Variants in ZPBP observed in about 807,000 individuals in gnomAD.
The protein encoded by ZPBP is zona pellucida-binding protein 1.
ZPBP carries 26 observed loss-of-function variants against 44.8 expected under a neutral mutation model. That is an observed-to-expected ratio of 0.58 (90% CI 0.43 to 0.81). The LOEUF (loss-of-function observed/expected upper bound fraction) is 0.81, where lower values mean the gene tolerates loss of function less well. Among genes scored for constraint, ZPBP ranks in the 30% least tolerant of loss-of-function variants. The pLI is 0.00. For synonymous variants in ZPBP, 174 were observed against 153.2 expected (o/e 1.14, Z -1.00); for missense variants, 409 against 434.0 (o/e 0.94, Z 0.51).
At chr7:49,999,599 G>A (rs1798005777) in intron 6 of ZPBP, among the ~76,000 whole-genome samples, 1 of 152,170 alleles carries the variant, frequency 6.6e-6, no homozygotes, top group South Asian at 2.1e-4. Flanking sequence ...ACCAAAAGAT[G>A]ATGGTCTAAG....
intron 7 of ZPBP, among the ~76,000 whole-genome samples, chr7:49,955,836 A>G (rs1453543402): frequency 1.3e-5 from 2 of 152,200 alleles, no homozygotes; most frequent in Admixed American, 1.3e-4. Flanking sequence ...GGAAAATAAG[A>G]GAACACTATG....
At chr7:49,914,017 T>C (rs1793594972) in intron 1 of ZPBP, 1 of 152,228 alleles carries the variant, frequency 6.6e-6, no homozygotes. Flanking sequence ...CTAATTGTTC[T>C]CAGGTGTAAT....
intron 2 of ZPBP, among the ~76,000 whole-genome samples, chr7:49,878,098 C>G (rs1279143752): frequency 6.6e-6 from 1 of 152,074 alleles, no homozygotes; most frequent in East Asian, 1.9e-4. Flanking sequence ...AGTCTGTCCC[C>G]TTGACGTAAA....
At position 49,993,288 on chromosome 7, in the gene ZPBP, G is replaced by A. The variant is rs113997434; in HGVS notation, c.784-9769C>T. Among the ~76,000 whole-genome samples, 484 of 151,994 alleles carry A rather than the reference G, an allele frequency of 3.2e-3. 6 individuals are homozygous for A. Among genetic ancestry groups the A allele is most frequent in the African/African-American group, 0.011 (451 of 41,464 alleles). ...TGTAAATAATAAAGAAACTACCAAG[G>A]TAGAGCTATGAAAAGGAATCATTTT... On this transcript the variant is annotated intron_variant, in intron 6 of 7. Coordinates refer to ENST00000046087, the MANE Select transcript of ZPBP (RefSeq NM_007009.3).
chr7:50,036,356 T>C (rs1177468952), intron 4 of ZPBP, among the ~76,000 whole-genome samples: 1 of 152,158 alleles, frequency 6.6e-6, no homozygotes, highest in Non-Finnish European at 1.5e-5. Context: ...TTCATCATAT[T>C]GGCCAGGCTG....
chr7:49,943,818 T>C, intron 7 of ZPBP: 1 of 239,760 alleles, frequency 4.2e-6, no homozygotes, highest in South Asian at 5.4e-5. Flanking sequence ...GAGCTCATCC[T>C]ATATTCCTTT....
intron 4 of ZPBP, among the ~76,000 whole-genome samples, chr7:50,049,718 T>C (rs1421666645): frequency 1.3e-5 from 2 of 152,002 alleles, no homozygotes; most frequent in Non-Finnish European, 2.9e-5. Context: ...ATATACTCAA[T>C]GGTGAAAGAC....
chr7:50,057,278 T>G (rs1321501359), intron 4 of ZPBP, among the ~76,000 whole-genome samples: 1 of 151,362 alleles, frequency 6.6e-6, no homozygotes, highest in Admixed American at 6.6e-5. Context: ...ACTTGGGGGA[T>G]ATGCCTGCAG....
At chr7:50,075,272 A>G (rs1778994498) in intron 3 of ZPBP, among the ~76,000 whole-genome samples, 2 of 151,966 alleles carry the variant, frequency 1.3e-5, no homozygotes, top group South Asian at 4.1e-4. Context: ...CAGCAAAATC[A>G]GTACTAAGAG....
intron 2 of ZPBP, among the ~76,000 whole-genome samples, chr7:50,084,399 C>A (rs1022031): frequency 6.6e-6 from 1 of 150,538 alleles, no homozygotes; most frequent in Non-Finnish European, 1.5e-5. Context: ...ACCAAAAAAA[C>A]AGAATAAACT....
intron 4 of ZPBP, among the ~76,000 whole-genome samples, chr7:50,036,824 CA>C (rs990089784): frequency 2.6e-5 from 4 of 151,632 alleles, no homozygotes; most frequent in Non-Finnish European, 1.5e-5. Context: ...ACATAAAGAA[CA>C]AGGTTAACAC....
At chr7:50,057,691 T>C (rs1288357607) in intron 4 of ZPBP, among the ~76,000 whole-genome samples, 2 of 152,152 alleles carry the variant, frequency 1.3e-5, no homozygotes, top group Non-Finnish European at 2.9e-5. Flanking sequence ...GAATTTAATA[T>C]AGTACAAGCC....
At chr7:49,954,373 G>A (rs1795480858) in intron 7 of ZPBP, among the ~76,000 whole-genome samples, 1 of 152,080 alleles carries the variant, frequency 6.6e-6, no homozygotes, top group African/African-American at 2.4e-5. Context: ...AAATCTTCAC[G>A]CTTTCATACA....
chr7:49,974,102 G>A (rs1227438411), intron 7 of ZPBP, among the ~76,000 whole-genome samples: 1 of 152,106 alleles, frequency 6.6e-6, no homozygotes, highest in African/African-American at 2.4e-5. Context: ...AATTCATAGA[G>A]ACCGAAAATA....
intron 2 of ZPBP, among the ~76,000 whole-genome samples, chr7:49,887,753 CA>C (rs1386591816): frequency 1.3e-5 from 2 of 152,160 alleles, no homozygotes; most frequent in Non-Finnish European, 2.9e-5. Flanking sequence ...GTCTATACAA[CA>C]CCACACCAAC....
chr7:50,084,652 A>G (rs1212225595), intron 2 of ZPBP, among the ~76,000 whole-genome samples: 2 of 152,020 alleles, frequency 1.3e-5, no homozygotes, highest in African/African-American at 4.8e-5. Flanking sequence ...ATATCATATA[A>G]TAATCTACTC....
At chr7:49,860,422 G>T (rs1171585319) in intron 2 of ZPBP, among the ~76,000 whole-genome samples, 8 of 152,284 alleles carry the variant, frequency 5.3e-5, no homozygotes, top group Admixed American at 5.2e-4. Context: ...TTGTAGCATG[G>T]ATTAGTGCTT....
chr7:49,975,460 G>C (rs910843104), intron 7 of ZPBP, among the ~76,000 whole-genome samples: 8 of 152,160 alleles, frequency 5.3e-5, no homozygotes, highest in Non-Finnish European at 1.2e-4. Context: ...CAGTGGGAAT[G>C]GGTATCACAG....
At chr7:49,872,751 C>CA (rs34987652) in intron 2 of ZPBP, among the ~76,000 whole-genome samples, 81,688 of 121,894 alleles carry the variant, frequency 0.67, 27,387 homozygotes, top group East Asian at 0.87. Flanking sequence ...ACAAAAAATA[C>CA]AAAAAAAAAA....
Sources: allele counts gnomAD v4.1 joint callset (sites outside exome capture counted in the v4.1 genomes callset), GRCh38; gene constraint gnomAD v4.1.1; transcripts MANE v1.5; gene names NCBI Gene and HGNC (gene_info 2026-07-23, HGNC 2026-07-21).